CNTNAP2: variants seen among roughly 807,000 people sequenced by gnomAD.
CNTNAP2 encodes contactin-associated protein-like 2.
In CNTNAP2, 98 loss-of-function variants were observed where a neutral mutation model predicts 155.2. The observed-to-expected ratio is 0.63, with a 90% CI of 0.54 to 0.75. The LOEUF is 0.75. CNTNAP2 is among the 30% of genes least tolerant of loss of function. The pLI is 0.00. For synonymous variants in CNTNAP2, 651 were observed against 631.2 expected (o/e 1.03, Z -0.47); for missense variants, 1,727 against 1,688.1 (o/e 1.02, Z -0.40).
chr7:147,172,635 G>A (rs1802255616), intron 8 of CNTNAP2, among the ~76,000 whole-genome samples: 1 of 151,758 alleles, frequency 6.6e-6, no homozygotes, highest in African/African-American at 2.4e-5. Context: ...GTATAATTAG[G>A]CACAAAGAGA....
chr7:147,742,372 A>G (rs1274971931), intron 13 of CNTNAP2, among the ~76,000 whole-genome samples: 1 of 152,206 alleles, frequency 6.6e-6, no homozygotes, highest in Non-Finnish European at 1.5e-5. Context: ...ATAGCCAAGT[A>G]CATTTGCTCT....
At chr7:147,067,247 C>A (rs577756019) in intron 4 of CNTNAP2, among the ~76,000 whole-genome samples, 1 of 143,766 alleles carries the variant, frequency 7.0e-6, no homozygotes, top group African/African-American at 2.6e-5. Flanking sequence ...GCCAAGGTCA[C>A]GCCAATGCAC....
At chr7:146,324,195 G>T in intron 1 of CNTNAP2, among the ~76,000 whole-genome samples, 1 of 152,184 alleles carries the variant, frequency 6.6e-6, no homozygotes, top group South Asian at 2.1e-4. Context: ...CCAGGAGGGG[G>T]AGGTTGCAGT....
At chr7:147,928,474 C>T (rs887535625) in intron 14 of CNTNAP2, among the ~76,000 whole-genome samples, 1 of 151,936 alleles carries the variant, frequency 6.6e-6, no homozygotes, top group Non-Finnish European at 1.5e-5. Flanking sequence ...TCATGAGTAG[C>T]TTATTTATTT....
At chr7:148,389,242 G>A (rs58945521) in intron 22 of CNTNAP2, among the ~76,000 whole-genome samples, 1 of 152,050 alleles carries the variant, frequency 6.6e-6, no homozygotes, top group Non-Finnish European at 1.5e-5. Flanking sequence ...CCCATGTGTT[G>A]TGGGAGGGAC....
intron 12 of CNTNAP2, among the ~76,000 whole-genome samples, chr7:147,604,026 A>G (rs1299637543): frequency 6.6e-6 from 1 of 152,188 alleles, no homozygotes; most frequent in Admixed American, 6.5e-5. Context: ...CATATGTAGG[A>G]AGCTGAAATT....
At chr7:147,595,789 A>G (rs1170190235) in intron 12 of CNTNAP2, among the ~76,000 whole-genome samples, 1 of 152,184 alleles carries the variant, frequency 6.6e-6, no homozygotes, top group African/African-American at 2.4e-5. Flanking sequence ...AGTCTGGAGT[A>G]GAGAGGTTGG....
intron 9 of CNTNAP2, among the ~76,000 whole-genome samples, chr7:147,393,777 G>A (rs558776052): frequency 1.3e-5 from 2 of 151,840 alleles, no homozygotes; most frequent in Admixed American, 1.3e-4. Flanking sequence ...GCCTTACATG[G>A]ATTTTTTTTA....
chr7:146,913,527 C>G (rs944018274), intron 3 of CNTNAP2, among the ~76,000 whole-genome samples: 1 of 152,014 alleles, frequency 6.6e-6, no homozygotes, highest in Non-Finnish European at 1.5e-5. Context: ...AACCAGGGTG[C>G]CAGCATGGTT....
At chr7:147,474,282 C>G (rs1202594213) in intron 10 of CNTNAP2, among the ~76,000 whole-genome samples, 2 of 151,670 alleles carry the variant, frequency 1.3e-5, no homozygotes, top group Non-Finnish European at 2.9e-5. Context: ...CTGAAATGAG[C>G]CACAGTTTTT....
At chr7:146,260,829 C>T (rs779912832) in intron 1 of CNTNAP2, among the ~76,000 whole-genome samples, 2 of 152,126 alleles carry the variant, frequency 1.3e-5, no homozygotes, top group Non-Finnish European at 2.9e-5. Context: ...CTTTAGGGGA[C>T]TGTTGAGAAG....
intron 1 of CNTNAP2, among the ~76,000 whole-genome samples, chr7:146,138,094 G>T (rs534945615): frequency 3.4e-4 from 52 of 152,088 alleles, no homozygotes; most frequent in African/African-American, 1.2e-3. Flanking sequence ...TATAAGAAAA[G>T]CATCCTAAGA....
chr7:147,638,841 C>CTTTTTTTTTTTTTT, intron 12 of CNTNAP2: 14 of 508,478 alleles, frequency 2.8e-5, no homozygotes, highest in East Asian at 4.3e-5. Context: ...GATACAAAAG[C>CTTTTTTTTTTTTTT]TTTTTTTTTT....
intron 1 of CNTNAP2, among the ~76,000 whole-genome samples, chr7:146,450,860 A>G (rs1796468561): frequency 6.6e-6 from 1 of 152,204 alleles, no homozygotes; most frequent in South Asian, 2.1e-4. Flanking sequence ...TTTTAAAATA[A>G]CACATCACGT....
At chr7:146,965,910 A>G (rs1419356225) in intron 3 of CNTNAP2, among the ~76,000 whole-genome samples, 2 of 152,168 alleles carry the variant, frequency 1.3e-5, no homozygotes, top group East Asian at 1.9e-4. Flanking sequence ...AAGAACTTCA[A>G]TCTTCCAGGT....
In CNTNAP2 at chr7:146,211,124, C is replaced by T. The variant is rs145516019; in HGVS notation, c.97+94151C>T. Among the ~76,000 whole-genome samples the T allele has an allele frequency of 7.2e-3, 1,094 of 152,194 alleles. 17 individuals carry two copies. Among genetic ancestry groups the T allele is most frequent in the African/African-American group, 0.024 (1,008 of 41,518 alleles). ...GCAAACAACTCTAGGGCCCTTTGCA[C>T]CAAACGATGCAAAATAAAAATGCAT... On this transcript the variant is annotated intron_variant, in intron 1 of 23. Coordinates refer to ENST00000361727, the MANE Select transcript of CNTNAP2 (RefSeq NM_014141.6).
At chr7:146,836,147 A>G (rs1803612698) in intron 2 of CNTNAP2, among the ~76,000 whole-genome samples, 1 of 152,224 alleles carries the variant, frequency 6.6e-6, no homozygotes, top group East Asian at 1.9e-4. Context: ...GATAGCACCC[A>G]TATAACCTAT....
intron 1 of CNTNAP2, among the ~76,000 whole-genome samples, chr7:146,684,639 C>CAAAAAAAA (rs3080477): frequency 0.16 from 9,961 of 63,204 alleles, 2,591 homozygotes; most frequent in East Asian, 0.39. Flanking sequence ...AGATCCAGCG[C>CAAAAAAAA]AAAAAAAAAA....
rs573801274 is a variant in CNTNAP2, at chr7:146,160,943, A to G, written c.97+43970A>G. Among the ~76,000 whole-genome samples the G allele has an allele frequency of 6.6e-5, 10 of 152,350 alleles. No homozygotes were observed. In the East Asian group the frequency reaches 1.9e-3, roughly 29 times the overall value. On this transcript the variant is annotated intron_variant, in intron 1 of 23. Coordinates refer to ENST00000361727, the MANE Select transcript of CNTNAP2 (RefSeq NM_014141.6). The stretch of plus-strand genomic sequence containing the variant: ...AATATCTCTGATGAATATCGATGCA[A>G]AAATCCTCAATAAAATACTGGGAAC...
Sources: gnomAD v4.1 joint callset for allele counts (sites outside exome capture counted in the v4.1 genomes callset) on GRCh38, gnomAD v4.1.1 for gene constraint, MANE v1.5 for transcripts, NCBI Gene and HGNC (gene_info 2026-07-23, HGNC 2026-07-21) for gene names.